PSD3: variants seen among roughly 807,000 people sequenced by gnomAD.
The protein encoded by PSD3 is pleckstrin and Sec7 domain containing 3.
A neutral mutation model predicts 105.5 loss-of-function variants in PSD3; 49 were observed. The ratio of observed to expected loss-of-function variants is 0.46; its 90% CI spans 0.37 to 0.59. PSD3 has a LOEUF of 0.59. PSD3 is among the 20% of genes least tolerant of loss of function. PSD3 has a pLI of 0.00. For missense variants in PSD3, 1,561 were observed against 1,263.8 expected (o/e 1.24, Z -3.57); for synonymous variants, 557 against 457.8 (o/e 1.22, Z -2.77).
chr8:18,947,537 G>A (rs1252160071), intron 1 of PSD3, among the ~76,000 whole-genome samples: 1 of 152,200 alleles, frequency 6.6e-6, no homozygotes, highest in Non-Finnish European at 1.5e-5. Flanking sequence ...CAGGCAAGGG[G>A]TCAGGGAGCG....
intron 2 of PSD3, among the ~76,000 whole-genome samples, chr8:18,919,437 G>A (rs1162831627): frequency 6.6e-6 from 1 of 152,016 alleles, no homozygotes; most frequent in Non-Finnish European, 1.5e-5. Context: ...TACCTGAATC[G>A]GGATCATCCG....
At chr8:18,809,275 C>A (rs1811482970) in intron 4 of PSD3, among the ~76,000 whole-genome samples, 1 of 152,124 alleles carries the variant, frequency 6.6e-6, no homozygotes, top group Non-Finnish European at 1.5e-5. Flanking sequence ...CCCTACCAGT[C>A]ACTTAAATGT....
chr8:18,725,080 A>T (rs1466372799), intron 9 of PSD3, among the ~76,000 whole-genome samples: 1 of 152,230 alleles, frequency 6.6e-6, no homozygotes, highest in Non-Finnish European at 1.5e-5. Context: ...AACTTCCATT[A>T]AAGTTTTCAG....
At chr8:18,720,831 A>T (rs1266394516) in intron 9 of PSD3, 1 of 152,158 alleles carries the variant, frequency 6.6e-6, no homozygotes, top group Non-Finnish European at 1.5e-5. Flanking sequence ...AAAGGGTCAC[A>T]TTCCAAAGCA....
intron 1 of PSD3, among the ~76,000 whole-genome samples, chr8:19,038,236 A>G (rs1045064601): frequency 3.3e-5 from 5 of 152,168 alleles, no homozygotes; most frequent in African/African-American, 1.2e-4. Context: ...ATGTCTCTTT[A>G]TCAAACTTTC....
At chr8:18,567,043 G>T (rs943454456) in intron 14 of PSD3, among the ~76,000 whole-genome samples, 1 of 152,130 alleles carries the variant, frequency 6.6e-6, no homozygotes, top group Non-Finnish European at 1.5e-5. Context: ...AAAGTAAACA[G>T]AACTGTAGAT....
intron 8 of PSD3, among the ~76,000 whole-genome samples, chr8:18,792,946 A>G (rs532022308): frequency 6.6e-6 from 1 of 152,304 alleles, no homozygotes; most frequent in African/African-American, 2.4e-5. Context: ...TCAATGATAG[A>G]CTGGATTAAG....
intron 8 of PSD3, among the ~76,000 whole-genome samples, chr8:18,767,109 A>G (rs913967424): frequency 3.1e-4 from 47 of 152,222 alleles, no homozygotes; most frequent in African/African-American, 1.2e-4. Flanking sequence ...TGTGAGACCC[A>G]TGGAAAATTA....
At chr8:18,942,194 T>C (rs1397652822) in intron 1 of PSD3, among the ~76,000 whole-genome samples, 1 of 152,198 alleles carries the variant, frequency 6.6e-6, no homozygotes, top group Non-Finnish European at 1.5e-5. Context: ...CAGTATGATT[T>C]TCAGAGAATC....
At chr8:18,952,420 T>C (rs904490579) in intron 1 of PSD3, among the ~76,000 whole-genome samples, 1 of 152,228 alleles carries the variant, frequency 6.6e-6, no homozygotes, top group African/African-American at 2.4e-5. Context: ...AAGTAAACTT[T>C]TGGGATTCAC....
At chr8:18,912,134 C>A (rs1820263255) in intron 2 of PSD3, among the ~76,000 whole-genome samples, 8 of 152,150 alleles carry the variant, frequency 5.3e-5, no homozygotes, top group Admixed American at 2.0e-4. Flanking sequence ...ACCAAAATGT[C>A]CATCTGAGAA....
intron 9 of PSD3, among the ~76,000 whole-genome samples, chr8:18,706,823 GTA>G (rs893515870): frequency 6.6e-5 from 10 of 152,154 alleles, no homozygotes; most frequent in African/African-American, 2.4e-4. Flanking sequence ...AACCTTCTGA[GTA>G]TACCATATTA....
At chr8:18,789,245 C>A (rs1463652285) in intron 8 of PSD3, among the ~76,000 whole-genome samples, 1 of 152,064 alleles carries the variant, frequency 6.6e-6, no homozygotes, top group East Asian at 1.9e-4. Flanking sequence ...ACATTTTTTT[C>A]ATTCTCTCAA....
At chr8:18,760,211 G>A (rs1806405414) in intron 9 of PSD3, among the ~76,000 whole-genome samples, 1 of 152,080 alleles carries the variant, frequency 6.6e-6, no homozygotes, top group South Asian at 2.1e-4. Flanking sequence ...ACTGTACAAT[G>A]ATTAAATAAA....
chr8:18,993,987 G>C (rs907415083), intron 1 of PSD3, among the ~76,000 whole-genome samples: 1 of 151,942 alleles, frequency 6.6e-6, no homozygotes. Context: ...CATGTGCTGA[G>C]AAGGCAGTCT....
At chr8:18,627,901 C>A (rs575320697) in intron 11 of PSD3, among the ~76,000 whole-genome samples, 9 of 151,112 alleles carry the variant, frequency 6.0e-5, no homozygotes, top group Non-Finnish European at 1.3e-4. Flanking sequence ...AAGAGAAGAA[C>A]CTTAAAAAAG....
chr8:18,625,011 C>T (rs866426124), intron 11 of PSD3, among the ~76,000 whole-genome samples: 1 of 152,174 alleles, frequency 6.6e-6, no homozygotes, highest in South Asian at 2.1e-4. Context: ...ATTGGGATTA[C>T]AGGTGTGAGC....
intron 1 of PSD3, among the ~76,000 whole-genome samples, chr8:18,990,593 G>C (rs991627308): frequency 1.3e-5 from 2 of 152,106 alleles, no homozygotes; most frequent in African/African-American, 4.8e-5. Context: ...CACTCCATGT[G>C]GTTTGGCTTA....
intron 2 of PSD3, among the ~76,000 whole-genome samples, chr8:18,902,481 T>C (rs1352838069): frequency 1.3e-5 from 2 of 152,364 alleles, no homozygotes; most frequent in East Asian, 3.9e-4. Context: ...TTCCACCAAG[T>C]CATTGAATTC....
Sources: gnomAD v4.1 joint callset for allele counts (sites outside exome capture counted in the v4.1 genomes callset) on GRCh38, gnomAD v4.1.1 for gene constraint, MANE v1.5 for transcripts, NCBI Gene and HGNC (gene_info 2026-07-23, HGNC 2026-07-21) for gene names.